PPP1R37: variants seen among roughly 807,000 people sequenced by gnomAD.
PPP1R37 encodes the protein leucine rich repeat containing 68.
In PPP1R37, 21 loss-of-function variants were observed where a neutral mutation model predicts 61.0. The observed-to-expected ratio is 0.34, with a 90% CI of 0.24 to 0.50. The LOEUF (loss-of-function observed/expected upper bound fraction) is 0.50, where lower values mean the gene tolerates loss of function less well. Among genes scored for constraint, PPP1R37 ranks in the 20% least tolerant of loss-of-function variants. The pLI is 0.98. For synonymous variants in PPP1R37, 443 were observed against 433.5 expected, an observed-to-expected ratio of 1.02 and a Z score of -0.27; for missense variants, 910 against 952.7, an observed-to-expected ratio of 0.96 and a Z score of 0.59.
chr19:45,141,262 C>A, intron 4 of PPP1R37, 60 bp from the exon 5 acceptor site: 1 of 1,480,828 alleles, frequency 6.8e-7, no homozygotes, highest in East Asian at 2.5e-5. Context: ...TGTCAGGGCC[C>A]ACGCCTCTCC....
At chr19:45,093,887 G>A (rs1038100070) in intron 1 of PPP1R37, among the ~76,000 whole-genome samples, 20 of 152,160 alleles carry the variant, frequency 1.3e-4, no homozygotes, top group African/African-American at 4.8e-4. Flanking sequence ...GAGGAGGAGC[G>A]GGTCAACACT....
chr19:45,093,886 C>A (rs1299731980), intron 1 of PPP1R37, among the ~76,000 whole-genome samples: 1 of 152,134 alleles, frequency 6.6e-6, no homozygotes, highest in Non-Finnish European at 1.5e-5. Flanking sequence ...AGAGGAGGAG[C>A]GGGTCAACAC....
At chr19:45,133,058 T>A (rs1019264569) in intron 1 of PPP1R37, among the ~76,000 whole-genome samples, 1 of 152,048 alleles carries the variant, frequency 6.6e-6, no homozygotes, top group Non-Finnish European at 1.5e-5. Flanking sequence ...CTCCAGGCAG[T>A]CTCGCCCCAG....
chr19:45,140,606 T>C lies in PPP1R37; in HGVS notation c.447T>C (p.Asp149=), dbSNP rs1968598228. ...TGGAGCAGACAAACCTGGATGAAGA[T>C]GTGAGCGGCCCTGCCACCGCCCACT... The part of the protein sequence containing the change: ...VDLEQTNLDE[D]GASALFDMIE... The change falls in exon 4 of 13, where the codon GAT becomes GAC. Residue 149 remains aspartate, a splice_region_variant and synonymous_variant. Transcript: ENST00000221462. 6.5e-7 allele frequency: 1 copy of C among 1,535,438 alleles called. No individual in the cohort carries two copies. The highest frequency in any genetic ancestry group is 8.7e-7 in the Non-Finnish European group (1 of 1,146,342).
chr19:45,142,988 AAGG>A (rs1968633842), intron 7 of PPP1R37: 2 of 166,040 alleles, frequency 1.2e-5, no homozygotes, highest in East Asian at 1.8e-4. Flanking sequence ...GGAGCCGTCA[AAGG>A]AGGCGTTCCT....
chr19:45,104,331 C>T (rs763631138), intron 1 of PPP1R37, among the ~76,000 whole-genome samples: 49 of 152,186 alleles, frequency 3.2e-4, no homozygotes, highest in Non-Finnish European at 5.1e-4. Context: ...AACCACTGAA[C>T]GCCTCCAGGA....
intron 1 of PPP1R37, among the ~76,000 whole-genome samples, chr19:45,132,969 C>T (rs1968496983): frequency 6.6e-6 from 1 of 152,228 alleles, no homozygotes; most frequent in East Asian, 1.9e-4. Flanking sequence ...TTACACTCAT[C>T]CCCATTTTAG....
intron 1 of PPP1R37, among the ~76,000 whole-genome samples, chr19:45,115,732 T>G (rs1968258078): frequency 6.6e-6 from 1 of 152,172 alleles, no homozygotes; most frequent in Non-Finnish European, 1.5e-5. Context: ...CCCAGCACTT[T>G]GGGAGGCCGA....
At chr19:45,114,586 C>A (rs1490152223) in intron 1 of PPP1R37, among the ~76,000 whole-genome samples, 2 of 152,198 alleles carry the variant, frequency 1.3e-5, no homozygotes, top group African/African-American at 2.4e-5. Context: ...CAAATAGGCA[C>A]CCCCAAATAC....
chr19:45,106,090 G>T (rs1452223414), intron 1 of PPP1R37, among the ~76,000 whole-genome samples: 2 of 152,166 alleles, frequency 1.3e-5, no homozygotes, highest in Non-Finnish European at 2.9e-5. Context: ...TTCCAGTGCA[G>T]TCAAAAGAAT....
intron 1 of PPP1R37, among the ~76,000 whole-genome samples, chr19:45,118,558 A>G (rs1338324070): frequency 6.6e-6 from 1 of 152,164 alleles, no homozygotes; most frequent in African/African-American, 2.4e-5. Flanking sequence ...GAGCTCGGGT[A>G]CATAAAGGGC....
chr19:45,116,785 A>G (rs2122725555), intron 1 of PPP1R37, among the ~76,000 whole-genome samples: 1 of 152,222 alleles, frequency 6.6e-6, no homozygotes, highest in East Asian at 1.9e-4. Flanking sequence ...AAAACGAGCA[A>G]GTAGATCCTT....
chr19:45,105,884 T>C (rs943394338), intron 1 of PPP1R37, among the ~76,000 whole-genome samples: 1 of 152,192 alleles, frequency 6.6e-6, no homozygotes, highest in African/African-American at 2.4e-5. Context: ...TAAATGTTGT[T>C]CCATTAAAAT....
chr19:45,101,378 G>T (rs1001599318), intron 1 of PPP1R37, among the ~76,000 whole-genome samples: 1 of 152,206 alleles, frequency 6.6e-6, no homozygotes, highest in Non-Finnish European at 1.5e-5. Context: ...AGACTGCTGT[G>T]TGGGGCCTTA....
chr19:45,145,773 C>G lies in PPP1R37; in HGVS notation c.1717C>G (p.Arg573Gly), dbSNP rs772276492. 2 of 1,515,230 alleles carry G rather than the reference C, an allele frequency of 1.3e-6. No individual in the cohort carries two copies. Among genetic ancestry groups the G allele is most frequent in the Non-Finnish European group, 1.8e-6 (2 of 1,135,958 alleles). 93.9% of individuals were successfully genotyped at this position (1,515,230 alleles called of 1,614,324 possible). The change falls in exon 11 of 13, where the codon CGG becomes GGG. Residue 573 changes from arginine to glycine, a missense_variant. Arg to Gly is a moderately radical substitution (Grantham distance 125, BLOSUM62 -2). This residue lies in a region of PPP1R37 where 549 missense variants were observed against 505.1 expected (regional missense o/e 1.09). Coordinates refer to ENST00000221462, the MANE Select transcript of PPP1R37 (RefSeq NM_019121.2). The stretch of plus-strand genomic sequence containing the variant: ...GGGCCACAAGGTGTTTGTGGTGACC[C>G]GGGTGGAGAGCCCGCCCGAGAGGGC... ...GRGHKVFVVT[R>G]VESPPERAEP...
chr19:45,129,487 C>CG (rs1968449760), intron 1 of PPP1R37, among the ~76,000 whole-genome samples: 1 of 152,136 alleles, frequency 6.6e-6, no homozygotes. Context: ...TTAGTAGAGA[C>CG]AGGGTTTCAC....
intron 1 of PPP1R37, among the ~76,000 whole-genome samples, chr19:45,103,716 G>A (rs2122711372): frequency 6.6e-6 from 1 of 152,278 alleles, no homozygotes; most frequent in South Asian, 2.1e-4. Flanking sequence ...TCCTGGTGGT[G>A]GTGATGGAGG....
intron 11 of PPP1R37, 78 bp from the exon 12 acceptor site, chr19:45,146,312 C>A: frequency 7.3e-7 from 1 of 1,362,000 alleles, no homozygotes; most frequent in South Asian, 1.3e-5. Flanking sequence ...CCCTGAGGGT[C>A]TGGCTGGGGC....
At chr19:45,137,901 GGCTGAGGCAGAAGGATT>G (rs1210395974) in intron 1 of PPP1R37, among the ~76,000 whole-genome samples, 1 of 151,868 alleles carries the variant, frequency 6.6e-6, no homozygotes, top group Non-Finnish European at 1.5e-5. Flanking sequence ...CACTTTGGGA[GGCTGAGGCAGAAGGATT>G]GCTGAAGCCC....
Sources: gnomAD v4.1 joint callset for allele counts (sites outside exome capture counted in the v4.1 genomes callset) on GRCh38, gnomAD v4.1.1 for gene constraint, gnomAD v4.1.1 regional missense constraint, MANE v1.5 for transcripts, NCBI Gene and HGNC (gene_info 2026-07-23, HGNC 2026-07-21) for gene names.